Variants in KHDRBS2 observed in about 807,000 individuals in gnomAD.
The protein encoded by KHDRBS2 is KH RNA binding domain containing, signal transduction associated 2, also known as KH domain-containing, RNA-binding, signal transduction-associated protein 2.
Under a neutral mutation model 44.3 loss-of-function variants are expected in KHDRBS2, and 26 were observed. The ratio of observed to expected loss-of-function variants is 0.59; its 90% CI spans 0.43 to 0.81. The LOEUF (loss-of-function observed/expected upper bound fraction) is 0.81, where lower values mean the gene tolerates loss of function less well. KHDRBS2 is among the 40% of genes least tolerant of loss of function. KHDRBS2 has a pLI of 0.00. For missense variants in KHDRBS2, 476 were observed against 433.1 expected (o/e 1.10, Z -0.88); for synonymous variants, 194 against 151.1 (o/e 1.28, Z -2.08).
the KHDRBS2 span, among the ~76,000 whole-genome samples, chr6:61,563,093 T>C: frequency 1.3e-5 from 2 of 152,160 alleles, no homozygotes; most frequent in Non-Finnish European, 2.9e-5. Flanking sequence ...TTTTTAATTA[T>C]ATTTCCCTAA....
At chr6:62,133,334 T>A (rs1055912128) in intron 2 of KHDRBS2, among the ~76,000 whole-genome samples, 1 of 152,196 alleles carries the variant, frequency 6.6e-6, no homozygotes, top group Non-Finnish European at 1.5e-5. Context: ...TCTCATGAGA[T>A]CTGATAGTTT....
At chr6:61,895,669 T>C (rs1562391317) in intron 5 of KHDRBS2, among the ~76,000 whole-genome samples, 2 of 152,214 alleles carry the variant, frequency 1.3e-5, no homozygotes, top group Non-Finnish European at 2.9e-5. Flanking sequence ...GTTGAGTGTT[T>C]GTCTGAAGTC....
chr6:61,744,553 G>C (rs1277460708), intron 6 of KHDRBS2, among the ~76,000 whole-genome samples: 4 of 152,120 alleles, frequency 2.6e-5, no homozygotes, highest in Non-Finnish European at 5.9e-5. Context: ...CTCCTACCAA[G>C]AGATGAGCAA....
At position 62,180,379 on chromosome 6, in the gene KHDRBS2, T is replaced by C. The variant is rs1585088364; in HGVS notation, c.92-3067A>G. Among the ~76,000 whole-genome samples the C allele has an allele frequency of 1.1e-4, 17 of 151,956 alleles. 1 individual carries two copies. In the South Asian group the frequency reaches 3.5e-3, roughly 31 times the overall value. On this transcript the variant is annotated intron_variant, in intron 1 of 8. Transcript: ENST00000281156. ...TATAAAATCAACATCCAAAAATCAG[T>C]TCCATTTCTATATACTAGCAACAAA... is the stretch of plus-strand genomic sequence containing the variant.
intron 6 of KHDRBS2, among the ~76,000 whole-genome samples, chr6:61,793,289 G>A (rs960253584): frequency 2.6e-5 from 4 of 151,970 alleles, no homozygotes; most frequent in East Asian, 3.9e-4. Flanking sequence ...TGTACAAAAC[G>A]AACAAGTAAA....
intron 8 of KHDRBS2, among the ~76,000 whole-genome samples, chr6:61,681,939 C>A (rs1450396246): frequency 6.6e-6 from 1 of 151,868 alleles, no homozygotes; most frequent in Non-Finnish European, 1.5e-5. Flanking sequence ...TTATTTTGGT[C>A]TCTCAATCAG....
chr6:62,009,399 C>A (rs558079771), intron 3 of KHDRBS2, among the ~76,000 whole-genome samples: 84 of 152,206 alleles, frequency 5.5e-4, no homozygotes, highest in African/African-American at 2.0e-3. Flanking sequence ...AGAAACAGAG[C>A]ATAAAAGTTT....
intron 4 of KHDRBS2, among the ~76,000 whole-genome samples, chr6:61,942,111 A>ACTG (rs1812251270): frequency 1.5e-5 from 1 of 65,312 alleles, no homozygotes; most frequent in Admixed American, 1.5e-4. Flanking sequence ...TAAGCACACC[A>ACTG]CACCTACCCA....
chr6:61,882,104 C>T (rs965884105), intron 6 of KHDRBS2, among the ~76,000 whole-genome samples: 4 of 151,982 alleles, frequency 2.6e-5, no homozygotes, highest in Non-Finnish European at 5.9e-5. Context: ...GATACACAAT[C>T]TCTGTGATTC....
chr6:62,011,960 T>C (rs1780376799), intron 3 of KHDRBS2, among the ~76,000 whole-genome samples: 2 of 152,176 alleles, frequency 1.3e-5, no homozygotes, highest in Non-Finnish European at 2.9e-5. Flanking sequence ...GGGGCATATT[T>C]ACATACACAA....
At chr6:62,208,302 G>A (rs1165468539) in intron 1 of KHDRBS2, among the ~76,000 whole-genome samples, 1 of 152,014 alleles carries the variant, frequency 6.6e-6, no homozygotes, top group Admixed American at 6.6e-5. Context: ...CAATCATAGT[G>A]CGCTACAGTC....
chr6:61,546,848 T>A, the KHDRBS2 span, among the ~76,000 whole-genome samples: 1 of 152,138 alleles, frequency 6.6e-6, no homozygotes, highest in Admixed American at 6.6e-5. Flanking sequence ...GTATGATTAT[T>A]ATATACTTTA....
At chr6:61,612,839 C>CTTTT in the KHDRBS2 span, among the ~76,000 whole-genome samples, 124 of 77,440 alleles carry the variant, frequency 1.6e-3, 10 homozygotes, top group African/African-American at 6.0e-3. Flanking sequence ...AAAATGCAGC[C>CTTTT]TTTTTTTTTT....
chr6:61,966,081 A>C (rs1769871516), intron 4 of KHDRBS2, among the ~76,000 whole-genome samples: 3 of 151,870 alleles, frequency 2.0e-5, no homozygotes, highest in Admixed American at 6.6e-5. Context: ...GGGAAAATAA[A>C]TCTCTGGATG....
intron 1 of KHDRBS2, among the ~76,000 whole-genome samples, chr6:62,226,647 T>A (rs957052443): frequency 6.6e-6 from 1 of 151,962 alleles, no homozygotes. Context: ...AGTTTTCTTC[T>A]AGGTTTTCGA....
chr6:61,939,814 G>A (rs1446439968), intron 4 of KHDRBS2, among the ~76,000 whole-genome samples: 2 of 152,158 alleles, frequency 1.3e-5, no homozygotes, highest in African/African-American at 4.8e-5. Flanking sequence ...GAAGACAAAA[G>A]CGGTTGAAGG....
chr6:61,750,313 A>C (rs1562090934), intron 6 of KHDRBS2, among the ~76,000 whole-genome samples: 1 of 152,208 alleles, frequency 6.6e-6, no homozygotes, highest in Non-Finnish European at 1.5e-5. Context: ...ACATGAAATG[A>C]GCAGAATAAT....
At chr6:62,060,552 C>G (rs1442173424) in intron 2 of KHDRBS2, among the ~76,000 whole-genome samples, 2 of 151,532 alleles carry the variant, frequency 1.3e-5, no homozygotes, top group Non-Finnish European at 2.9e-5. Flanking sequence ...TATACTTAAT[C>G]TCATAATTTG....
At chr6:62,251,425 T>C (rs1247871400) in intron 1 of KHDRBS2, among the ~76,000 whole-genome samples, 3 of 151,986 alleles carry the variant, frequency 2.0e-5, no homozygotes, top group Non-Finnish European at 4.4e-5. Context: ...AATTTCCATC[T>C]AAGTTTGCAA....
Sources: gnomAD v4.1 joint callset for allele counts (sites outside exome capture counted in the v4.1 genomes callset) on GRCh38, gnomAD v4.1.1 for gene constraint, MANE v1.5 for transcripts, NCBI Gene and HGNC (gene_info 2026-07-23, HGNC 2026-07-21) for gene names.